Variants in STEAP4 observed in about 807,000 individuals in gnomAD.
STEAP4 encodes STEAP4 metalloreductase.
Under a neutral mutation model 43.6 loss-of-function variants are expected in STEAP4, and 36 were observed. The ratio of observed to expected loss-of-function variants is 0.83; its 90% confidence interval spans 0.63 to 1.09. STEAP4 has a LOEUF of 1.09. STEAP4 is among the 50% of genes least tolerant of loss of function. STEAP4 has a pLI of 0.00. For synonymous variants in STEAP4, 191 were observed against 196.7 expected (o/e 0.97, Z 0.24); for missense variants, 495 against 546.5 (o/e 0.91, Z 0.94).
rs1852505248 is a variant in STEAP4 at position 88,275,773 on chromosome 7, A to C, written c.*3625T>G. 6.6e-6 allele frequency: 1 copy of C among 152,110 alleles called. No homozygotes were observed. The highest frequency in any genetic ancestry group is 1.5e-5 in the Non-Finnish European group (1 of 68,004). The allele number at this position is 152,110 out of a possible 1,614,324, so 9.4% of individuals were successfully genotyped here. ...AAGCTTTTATGCTCTCAGAGGTGAA[A>C]TGCATAATATGCATTTATCATTATC... On this transcript the variant is annotated 3_prime_UTR_variant, in exon 5 of 5. Transcript: ENST00000380079.
In STEAP4 at chr7:88,275,939, T is replaced by A. The variant is rs1294588276; in HGVS notation, c.*3459A>T. 5.3e-5 allele frequency: 8 copies of A among 152,118 alleles called. No individual in the cohort carries two copies. Among genetic ancestry groups the A allele is most frequent in the Admixed American group, 5.2e-4 (8 of 15,266 alleles). The allele number at this position is 152,118 out of a possible 1,614,324, so 9.4% of individuals were successfully genotyped here. Reference sequence around the variant, plus strand: ...GTCAGTCCTCTCTTTATTTGTAAGTTTTAATACTATTTTTGAAAGCAGGAT... The same window carrying A: ...GTCAGTCCTCTCTTTATTTGTAAGTATTAATACTATTTTTGAAAGCAGGAT... On this transcript the variant is annotated 3_prime_UTR_variant, in exon 5 of 5. Coordinates refer to ENST00000380079, the MANE Select transcript of STEAP4 (RefSeq NM_024636.4).
Position 88,284,242 on chromosome 7 carries a change from G to A in STEAP4, c.28C>T (p.Pro10Ser). Reference protein sequence around the residue: MEKTCIDALPLTMNSSEKQE... With the variant: MEKTCIDALSLTMNSSEKQE... The stretch of plus-strand genomic sequence containing the variant: ...TTTTCTGAAGAATTCATAGTAAGAG[G>A]AAGTGCATCTATACAAGTTTTCTCC... Residue 10 changes from proline (P) to serine (S), a missense_variant, in exon 2 of 5, where the codon CCT becomes TCT. Physicochemically the swap from Pro to Ser is moderately conservative, Grantham distance 74. Coordinates refer to ENST00000380079, the MANE Select transcript of STEAP4 (RefSeq NM_024636.4). The A allele has an allele frequency of 6.2e-7, 1 of 1,602,006 alleles. No individual in the cohort carries two copies. Among genetic ancestry groups the A allele is most frequent in the Non-Finnish European group, 8.5e-7 (1 of 1,173,574 alleles).
rs1050317449 is a variant in STEAP4 at position 88,271,417 on chromosome 7, T to C, written c.*7981A>G. On this transcript the variant is annotated 3_prime_UTR_variant, in exon 5 of 5. Transcript: ENST00000380079. ...GCAAAAGGAATCATACTATATATGT[T>C]ATTTTGTACCTTTTTAAAAACTGAA... 1 of 152,202 alleles carries C rather than the reference T, an allele frequency of 6.6e-6. No individual in the cohort carries two copies. Among genetic ancestry groups the C allele is most frequent in the African/African-American group, 2.4e-5 (1 of 41,460 alleles). The allele number at this position is 152,202 out of a possible 1,614,324, so 9.4% of individuals were successfully genotyped here.
Position 88,290,986 on chromosome 7 carries a change from T to C in STEAP4, c.-2-6715A>G, listed in dbSNP as rs1197483431. 7 of 152,276 alleles carry C rather than the reference T, an allele frequency of 4.6e-5. No individual in the cohort carries two copies. In the South Asian group the frequency reaches 8.3e-4, roughly 18 times the overall value. The allele number at this position is 152,276 out of a possible 1,614,324, so 9.4% of individuals were successfully genotyped here. A position where few individuals can be genotyped will look rare whatever the true frequency, so the allele number is the denominator to read the frequency against. ...CGCCCGGCAGTGAAAATTAGATGAA[T>C]TCCTGCATCTCAAAACAGTTCTTGA... On this transcript the variant is annotated intron_variant, in intron 1 of 4. Transcript: ENST00000380079.
At chr7:88,282,380 C>T (rs984972267) in intron 3 of STEAP4, 11 of 485,068 alleles carry the variant, frequency 2.3e-5, no homozygotes, top group African/African-American at 1.6e-4. Context: ...ATCTCTTGAC[C>T]ACATGATTCA....
intron 1 of STEAP4, among the ~76,000 whole-genome samples, chr7:88,284,660 T>C (rs938398260): frequency 3.3e-5 from 5 of 152,112 alleles, no homozygotes; most frequent in African/African-American, 1.2e-4. Flanking sequence ...TAATAGAAGG[T>C]TTATGTTGAT....
At chr7:88,281,225 G>GA (rs1852615743) in intron 3 of STEAP4, 146 bp from the exon 4 acceptor site, 1 of 664,130 alleles carries the variant, frequency 1.5e-6, no homozygotes, top group African/African-American at 1.9e-5. Context: ...TAACTTTAGT[G>GA]AAAAATACAC....
intron 1 of STEAP4, among the ~76,000 whole-genome samples, chr7:88,299,559 G>C (rs907199821): frequency 6.6e-6 from 1 of 152,164 alleles, no homozygotes; most frequent in Admixed American, 6.5e-5. Flanking sequence ...CATTTGGCTT[G>C]TACATACTAC....
In STEAP4 at chr7:88,273,241, G is replaced by A. The variant is rs1240439318; in HGVS notation, c.*6157C>T. 6.6e-6 allele frequency: 1 copy of A among 152,204 alleles called. No individual in the cohort carries two copies. 9.4% of individuals were successfully genotyped at this position (152,204 alleles called of 1,614,324 possible). On this transcript the variant is annotated 3_prime_UTR_variant, in exon 5 of 5. Transcript: ENST00000380079. The stretch of plus-strand genomic sequence containing the variant: ...TGCTGTAATGAAATGAGAACAGGAA[G>A]TCTGTCATTCTTTTTCATCTCTATC...
intron 1 of STEAP4, among the ~76,000 whole-genome samples, chr7:88,297,734 T>C (rs1304312711): frequency 5.3e-5 from 8 of 152,088 alleles, no homozygotes; most frequent in African/African-American, 1.9e-4. Context: ...AGTGAGTGCA[T>C]ATGTATGAAC....
intron 1 of STEAP4, among the ~76,000 whole-genome samples, chr7:88,291,771 T>C (rs1413602921): frequency 1.3e-5 from 2 of 152,182 alleles, no homozygotes; most frequent in Non-Finnish European, 2.9e-5. Context: ...GAAGAGTTAT[T>C]AAGGGAAACG....
In STEAP4 at chr7:88,273,693, C is replaced by G. The variant is rs766380883; in HGVS notation, c.*5705G>C. ...TTTGCCTTTAAGCTCTGGAGAAGAG[C>G]TATCCTCTCCTTGACTGCCCCTTCG... On this transcript the variant is annotated 3_prime_UTR_variant, in exon 5 of 5. Coordinates refer to ENST00000380079, the MANE Select transcript of STEAP4 (RefSeq NM_024636.4). 5.3e-5 allele frequency: 8 copies of G among 152,198 alleles called. No homozygotes were observed. Among genetic ancestry groups the G allele is most frequent in the Non-Finnish European group, 1.0e-4 (7 of 68,046 alleles). The allele number at this position is 152,198 out of a possible 1,614,324, so 9.4% of individuals were successfully genotyped here. A position where few individuals can be genotyped will look rare whatever the true frequency, so the allele number is the denominator to read the frequency against.
chr7:88,279,944 CTT>C (rs1473183561), intron 4 of STEAP4, among the ~76,000 whole-genome samples: 1 of 152,148 alleles, frequency 6.6e-6, no homozygotes, highest in African/African-American at 2.4e-5. Context: ...AGGTGAAACT[CTT>C]TTATTTATCA....
intron 1 of STEAP4, among the ~76,000 whole-genome samples, chr7:88,304,610 A>C (rs1188634223): frequency 6.6e-6 from 1 of 151,746 alleles, no homozygotes; most frequent in Non-Finnish European, 1.5e-5. Flanking sequence ...CCCAATCTTC[A>C]GGTTTTGAAG....
chr7:88,294,381 T>C (rs1852892078), intron 1 of STEAP4, among the ~76,000 whole-genome samples: 1 of 152,004 alleles, frequency 6.6e-6, no homozygotes, highest in Non-Finnish European at 1.5e-5. Context: ...ATTATGTATA[T>C]GCAAGTAACT....
At chr7:88,306,025 C>A (rs1189497274) in intron 1 of STEAP4, among the ~76,000 whole-genome samples, 1 of 152,154 alleles carries the variant, frequency 6.6e-6, no homozygotes, top group African/African-American at 2.4e-5. Context: ...CCTGCCACCA[C>A]GCCTGGCTAA....
At chr7:88,290,886 C>T (rs1852823062) in intron 1 of STEAP4, 1 of 152,090 alleles carries the variant, frequency 6.6e-6, no homozygotes. Flanking sequence ...CTTTTTCAAA[C>T]CTATTCTGTT....
At chr7:88,286,609 G>T (rs1229459213) in intron 1 of STEAP4, among the ~76,000 whole-genome samples, 1 of 152,178 alleles carries the variant, frequency 6.6e-6, no homozygotes, top group African/African-American at 2.4e-5. Flanking sequence ...CTACTCTGAG[G>T]CTGAGGCATG....
At position 88,279,609 on chromosome 7, in the gene STEAP4, G is replaced by A; in HGVS notation, c.1169C>T (p.Thr390Ile). Residue 390 changes from threonine (T) to isoleucine (I), a missense_variant, in exon 5 of 5, where the codon ACC becomes ATC. Coordinates refer to ENST00000380079, the MANE Select transcript of STEAP4 (RefSeq NM_024636.4). ...RFVQSKLGYL[T>I]LILCTAHTLV... ...GGTGTGGGCTGTACACAAGATCAGG[G>A]TCAAATAACCCAGTTTGGACTATAA... 1 of 1,613,026 alleles carries A rather than the reference G, an allele frequency of 6.2e-7. No homozygotes were observed. The highest frequency in any genetic ancestry group is 1.3e-5 in the African/African-American group (1 of 75,010).
Sources: allele counts gnomAD v4.1 joint callset (sites outside exome capture counted in the v4.1 genomes callset), GRCh38; gene constraint gnomAD v4.1.1; transcripts MANE v1.5; gene names NCBI Gene and HGNC (gene_info 2026-07-23, HGNC 2026-07-21).